IQGAP3: variants seen among roughly 807,000 people sequenced by gnomAD.
The protein encoded by IQGAP3 is IQ motif containing GTPase activating protein 3.
A neutral mutation model predicts 208.2 loss-of-function variants in IQGAP3; 165 were observed. The ratio of observed to expected loss-of-function variants is 0.79; its 90% CI spans 0.70 to 0.90. The LOEUF (loss-of-function observed/expected upper bound fraction) is 0.90. Ranked by LOEUF, IQGAP3 falls within the 40% of genes least tolerant of loss-of-function variation. The probability of loss-of-function intolerance (pLI) is 0.00; values close to 1 mark genes in which losing one functional copy is unlikely to be tolerated. For synonymous variants in IQGAP3, 703 were observed against 803.6 expected, an observed-to-expected ratio of 0.87 and a Z score of 2.12; for missense variants, 1,811 against 2,043.1, an observed-to-expected ratio of 0.89 and a Z score of 2.19.
rs747037548 is a variant in IQGAP3, at chr1:156,534,709, G to A, written c.3532C>T (p.Arg1178Cys). 1.6e-5 allele frequency: 25 copies of A among 1,596,426 alleles called. No homozygotes were observed. Among genetic ancestry groups the A allele is most frequent in the South Asian group, 1.0e-4 (9 of 88,798 alleles). ...YKVVGNLLYYRFLNPAVVAPD... is the reference protein window; with the variant it reads ...YKVVGNLLYYCFLNPAVVAPD... ...GCCACCACAGCTGGGTTCAGGAAGC[G>A]GTAGTACAGGAGGTTCCCGACCACC... Residue 1178 changes from arginine to cysteine, a missense_variant, in exon 29 of 38, where the codon CGC becomes TGC. By Grantham distance (180) the Arg-to-Cys change is radical (BLOSUM62 -3). Transcript: ENST00000361170.
chr1:156,565,347 C>T (rs1676354392), intron 4 of IQGAP3, among the ~76,000 whole-genome samples: 1 of 152,182 alleles, frequency 6.6e-6, no homozygotes, highest in Admixed American at 6.5e-5. Flanking sequence ...TAGAGTGTTC[C>T]AGTCCCACTG....
intron 23 of IQGAP3, 139 bp from the exon 24 acceptor site, chr1:156,540,129 G>A (rs1012314817): frequency 3.3e-6 from 3 of 913,290 alleles, no homozygotes; most frequent in Admixed American, 2.6e-5. Context: ...GACAGAAGCA[G>A]TTCTAGGGTG....
rs370132872 is a variant in IQGAP3 at position 156,569,356 on chromosome 1, T to C, written c.125+20A>G. The C allele has an allele frequency of 6.4e-7, 1 of 1,551,754 alleles. No individual in the cohort carries two copies. Among genetic ancestry groups the C allele is most frequent in the African/African-American group, 1.4e-5 (1 of 73,616 alleles). On this transcript the variant is annotated intron_variant, in intron 2 of 37. Coordinates refer to ENST00000361170, the MANE Select transcript of IQGAP3 (RefSeq NM_178229.5). Reference sequence around the variant, plus strand: ...AGAAAGGGAGAGCAGAAAGAGTCCATCTTCCTGGACTCCGCTCACCGCTTG... The same window carrying C: ...AGAAAGGGAGAGCAGAAAGAGTCCACCTTCCTGGACTCCGCTCACCGCTTG...
At chr1:156,531,824 C>A (rs188159487) in intron 32 of IQGAP3, among the ~76,000 whole-genome samples, 235 of 151,774 alleles carry the variant, frequency 1.5e-3, no homozygotes, top group African/African-American at 5.2e-3. Flanking sequence ...AGGCTGGTCT[C>A]GAACTCCTGA....
chr1:156,533,114 G>A lies in IQGAP3; in HGVS notation c.3977-8C>T, dbSNP rs1674497146. 2.5e-6 allele frequency: 4 copies of A among 1,613,804 alleles called. No homozygotes were observed. The highest frequency in any genetic ancestry group is 1.7e-5 in the Admixed American group (1 of 60,006). ...CTGCAGCGATGCTCTCACCTGAGGT[G>A]TGGTGAGGAATGAGAGGGAGACAGG... On this transcript the variant is annotated splice_region_variant and splice_polypyrimidine_tract_variant and intron_variant, in intron 31 of 37. Coordinates refer to ENST00000361170, the MANE Select transcript of IQGAP3 (RefSeq NM_178229.5).
At chr1:156,569,802 AGCC>A (rs200193255) in intron 1 of IQGAP3, among the ~76,000 whole-genome samples, 2,722 of 152,190 alleles carry the variant, frequency 0.018, 79 homozygotes, top group African/African-American at 0.063. Context: ...TACAGGCTTG[AGCC>A]GCCACCATGC....
chr1:156,569,382 GCCT>G lies in IQGAP3; in HGVS notation c.116_118del (p.Glu39del). 6.2e-6 allele frequency: 10 copies of G among 1,611,238 alleles called. No individual in the cohort carries two copies. Among genetic ancestry groups the G allele is most frequent in the Non-Finnish European group, 8.5e-6 (10 of 1,177,860 alleles). On this transcript the variant is annotated inframe_deletion, in exon 2 of 38. Transcript: ENST00000361170. ...CTTCCTGGACTCCGCTCACCGCTTG[GCCT>G]CCTCCAGCCGGCACAGGTACTGATA...
chr1:156,528,395 T>A (rs1262163082), intron 36 of IQGAP3, 114 bp downstream of exon 36: 1 of 729,810 alleles, frequency 1.4e-6, no homozygotes, highest in East Asian at 2.5e-5. Flanking sequence ...TTCTAGCAGC[T>A]CCTTCAAGAT....
rs764240412 is a variant in IQGAP3 at position 156,526,458 on chromosome 1, G to C, written c.*28C>G. 5.7e-6 allele frequency: 8 copies of C among 1,414,614 alleles called. No homozygotes were observed. The highest frequency in any genetic ancestry group is 8.0e-6 in the Non-Finnish European group (8 of 998,426). 87.6% of individuals were successfully genotyped at this position (1,414,614 alleles called of 1,614,324 possible). On this transcript the variant is annotated 3_prime_UTR_variant, in exon 38 of 38. Coordinates refer to ENST00000361170, the MANE Select transcript of IQGAP3 (RefSeq NM_178229.5). ...AAAGAAAGCATCCAGAGAGGTAAGA[G>C]GGGCTTGGGTAGCACCCTTTGCCTC...
chr1:156,569,536 T>TTC, intron 1 of IQGAP3, 73 bp from the exon 2 acceptor site: 1 of 768,106 alleles, frequency 1.3e-6, no homozygotes, highest in East Asian at 3.0e-5. Flanking sequence ...GTCTTTTTTT[T>TTC]TTTTTTTTTT....
intron 19 of IQGAP3, among the ~76,000 whole-genome samples, chr1:156,545,298 C>T (rs903591813): frequency 7.9e-5 from 12 of 152,078 alleles, no homozygotes; most frequent in African/African-American, 2.9e-4. Flanking sequence ...TCCTAAAGTA[C>T]CTCTTAGACT....
Position 156,537,256 on chromosome 1 carries a change from T to C in IQGAP3, c.3347A>G (p.Asp1116Gly). 6.2e-7 allele frequency: 1 copy of C among 1,613,968 alleles called. No individual in the cohort carries two copies. The highest frequency in any genetic ancestry group is 1.3e-5 in the African/African-American group (1 of 75,006). The change falls in exon 27 of 38, where the codon GAC (aspartate) becomes GGC (glycine). Residue 1116 changes from aspartate (D) to glycine (G), a missense_variant. Physicochemically the swap from Asp to Gly is moderately conservative, Grantham distance 94 (BLOSUM62 -1). Coordinates refer to ENST00000361170, the MANE Select transcript of IQGAP3 (RefSeq NM_178229.5). ...LSHPEVQRRLDIALRNLLAMT... is the reference protein window; with the variant it reads ...LSHPEVQRRLGIALRNLLAMT... ...GGCGAGGAGGTTGCGTAGGGCGATG[T>C]CCAGTCGTCTCTGGACCTCGGGGTG...
intron 10 of IQGAP3, 151 bp from the exon 11 acceptor site, chr1:156,561,172 CG>C: frequency 3.6e-6 from 2 of 554,610 alleles, no homozygotes; most frequent in East Asian, 3.0e-5. Context: ...CCCTATTAAC[CG>C]TTTTTTTTTT....
At chr1:156,548,040 G>A in intron 19 of IQGAP3, 33 bp downstream of exon 19, 1 of 1,597,222 alleles carries the variant, frequency 6.3e-7, no homozygotes, top group Middle Eastern at 1.7e-4. Context: ...ATAAGCCCAG[G>A]CCCTGAAGAC....
intron 26 of IQGAP3, 51 bp downstream of exon 26, chr1:156,538,758 A>T (rs1674829725): frequency 6.6e-7 from 1 of 1,512,564 alleles, no homozygotes; most frequent in African/African-American, 1.4e-5. Context: ...GACACAGCTG[A>T]TCAAGACACA....
chr1:156,554,893 C>T (rs1675752561), intron 12 of IQGAP3, among the ~76,000 whole-genome samples: 1 of 152,140 alleles, frequency 6.6e-6, no homozygotes, highest in African/African-American at 2.4e-5. Context: ...CCTGTCTCTA[C>T]TAAAAATACA....
chr1:156,533,170 C>T (rs1206510044), intron 31 of IQGAP3, 64 bp from the exon 32 acceptor site: 16 of 1,418,348 alleles, frequency 1.1e-5, no homozygotes, highest in South Asian at 9.9e-5. Flanking sequence ...CACACACATA[C>T]ACACACACAC....
At chr1:156,568,371 C>T (rs1470401309) in intron 2 of IQGAP3, among the ~76,000 whole-genome samples, 2 of 105,894 alleles carry the variant, frequency 1.9e-5, no homozygotes, top group Non-Finnish European at 4.0e-5. Flanking sequence ...TGCACCACTG[C>T]GACCAGCTAA....
At position 156,527,040 on chromosome 1, in the gene IQGAP3, C is replaced by T. The variant is rs529470847; in HGVS notation, c.4783-441G>A. 5.4e-4 allele frequency among the ~76,000 whole-genome samples: 81 copies of T among 151,284 alleles called. 1 individual carries two copies. The highest frequency in any genetic ancestry group is 6.8e-3 in the Middle Eastern group (2 of 294). The stretch of plus-strand genomic sequence containing the variant: ...TAGAGACAGGGTTTCACTATATTGG[C>T]CAGGCTGGTCTTGAACTGCTGACCT... On this transcript the variant is annotated intron_variant, in intron 37 of 37. Coordinates refer to ENST00000361170, the MANE Select transcript of IQGAP3 (RefSeq NM_178229.5).
Sources: gnomAD v4.1 joint callset for allele counts (sites outside exome capture counted in the v4.1 genomes callset) on GRCh38, gnomAD v4.1.1 for gene constraint, MANE v1.5 for transcripts, NCBI Gene and HGNC (gene_info 2026-07-23, HGNC 2026-07-21) for gene names.